TELO2: variants seen among roughly 807,000 people sequenced by gnomAD.
TELO2 encodes the protein telomere length regulation protein TEL2 homolog.
In TELO2, 71 loss-of-function variants were observed where a neutral mutation model predicts 91.0. That is an observed-to-expected ratio of 0.78 (90% CI 0.64 to 0.95). The LOEUF is 0.95. TELO2 is among the 40% of genes least tolerant of loss of function. TELO2 has a pLI of 0.00. For synonymous variants in TELO2, 584 were observed against 518.9 expected, an observed-to-expected ratio of 1.13 and a Z score of -1.71; for missense variants, 1,183 against 1,141.3, an observed-to-expected ratio of 1.04 and a Z score of -0.53.
chr16:1,505,654 G>GA lies in TELO2; in HGVS notation c.2034+55dup. 165 of 666,362 alleles carry GA rather than the reference G, an allele frequency of 2.5e-4. No homozygotes were observed. The highest frequency in any genetic ancestry group is 4.0e-4 in the Non-Finnish European group (153 of 378,788). 41.3% of individuals were successfully genotyped at this position (666,362 alleles called of 1,614,324 possible). On this transcript the variant is annotated intron_variant, in intron 16 of 20. Coordinates refer to ENST00000262319, the MANE Select transcript of TELO2 (RefSeq NM_016111.4). This position sits in a 1 kb window ranked among gnomAD's most constrained non-coding sequence, Gnocchi z 4.3. The stretch of plus-strand genomic sequence containing the variant: ...GGGCATGGGGACCGTGGGTGGGTGG[G>GA]AAGGGCGGTCAGACACCTCCAGGCG...
intron 20 of TELO2, 27 bp downstream of exon 20, chr16:1,507,743 T>TGA: frequency 6.3e-7 from 1 of 1,582,940 alleles, no homozygotes; most frequent in Non-Finnish European, 8.5e-7. Flanking sequence ...GGTGTGTGTG[T>TGA]GAGATGTGTG....
chr16:1,496,219 C>T (rs994521536), intron 3 of TELO2, among the ~76,000 whole-genome samples: 1 of 152,220 alleles, frequency 6.6e-6, no homozygotes, highest in African/African-American at 2.4e-5. Context: ...ACATGCTGCC[C>T]CGACCTCGTT....
intron 3 of TELO2, among the ~76,000 whole-genome samples, chr16:1,496,268 C>T (rs983215877): frequency 3.3e-5 from 5 of 152,232 alleles, no homozygotes; most frequent in African/African-American, 7.2e-5. Context: ...CCCTGGGGTC[C>T]TGGAGCAGCT....
In TELO2 at chr16:1,495,456, T is replaced by C. The variant is rs751201057; in HGVS notation, c.446T>C (p.Phe149Ser). The C allele has an allele frequency of 3.1e-6, 5 of 1,608,904 alleles. No individual in the cohort carries two copies. Among genetic ancestry groups the C allele is most frequent in the Middle Eastern group, 1.7e-4 (1 of 5,994 alleles). ...AQCRQQTQPG[F>S]ILLRETLLGK... ...TGTCGGCAGCAGACGCAGCCCGGCT[T>C]CATCCTGCTCCGGGAGACGCTGCTG... is the stretch of plus-strand genomic sequence containing the variant. The change falls in exon 3 of 21, where the codon TTC becomes TCC. Residue 149 changes from phenylalanine to serine, a missense_variant. Physicochemically the swap from Phe to Ser is radical, Grantham distance 155 (BLOSUM62 -2). Coordinates refer to ENST00000262319, the MANE Select transcript of TELO2 (RefSeq NM_016111.4).
Position 1,495,472 on chromosome 16 carries a change from G to C in TELO2, c.462G>C (p.Glu154Asp). 4 of 1,610,306 alleles carry C rather than the reference G, an allele frequency of 2.5e-6. No homozygotes were observed. The highest frequency in any genetic ancestry group is 3.4e-6 in the Non-Finnish European group (4 of 1,179,508). Residue 154 changes from glutamate to aspartate, a missense_variant, in exon 3 of 21, where the codon GAG becomes GAC. Coordinates refer to ENST00000262319, the MANE Select transcript of TELO2 (RefSeq NM_016111.4). ...QTQPGFILLRETLLGKVVALP... is the reference protein window; with the variant it reads ...QTQPGFILLRDTLLGKVVALP... ...AGCCCGGCTTCATCCTGCTCCGGGA[G>C]ACGCTGCTGGGCAAGGTGGTGGCCC...
Position 1,505,129 on chromosome 16 carries a change from C to A in TELO2, c.1843-281C>A. On this transcript the variant is annotated intron_variant, in intron 15 of 20. Transcript: ENST00000262319. This position sits in a 1 kb window ranked among gnomAD's most constrained non-coding sequence, Gnocchi z 4.3. ...CTTCCTGGGATAAGGGCATGTGGCT[C>A]TGGCGTGGCGGGACTGCGTGGCTTT... 1 of 405,026 alleles carries A rather than the reference C, an allele frequency of 2.5e-6. No homozygotes were observed. The highest frequency in any genetic ancestry group is 4.9e-5 in the South Asian group (1 of 20,534). The allele number at this position is 405,026 out of a possible 1,614,324, so 25.1% of individuals were successfully genotyped here. A position where few individuals can be genotyped will look rare whatever the true frequency, so the allele number is the denominator to read the frequency against.
At position 1,502,313 on chromosome 16, in the gene TELO2, C is replaced by T. The variant is rs1386711001; in HGVS notation, c.1562C>T (p.Ala521Val). 1.9e-6 allele frequency: 3 copies of T among 1,602,916 alleles called. No homozygotes were observed. Among genetic ancestry groups the T allele is most frequent in the Non-Finnish European group, 2.6e-6 (3 of 1,176,378 alleles). The change falls in exon 13 of 21, where the codon GCC becomes GTC. Residue 521 changes from alanine to valine, a missense_variant and splice_region_variant. Physicochemically the swap from Ala to Val is moderately conservative, Grantham distance 64. Transcript: ENST00000262319. Reference sequence around the variant, plus strand: ...CGAGGCCTCTCTGGGTTCTGTGCAGCCCTGACCACGTCTGAGGACATAGAG... The same window carrying T: ...CGAGGCCTCTCTGGGTTCTGTGCAGTCCTGACCACGTCTGAGGACATAGAG... ...APAYVRDCVE[A>V]LTTSEDIERW...
At chr16:1,506,375 CTGGACGTACCACTG>C in intron 17 of TELO2, 46 bp downstream of exon 17, 3 of 1,613,114 alleles carry the variant, frequency 1.9e-6, no homozygotes, top group Non-Finnish European at 2.5e-6. Flanking sequence ...GACAGGGACC[CTGGACGTACCACTG>C]TGGCCAAGAA....
At chr16:1,508,267 G>C (rs1191646204) in intron 20 of TELO2, among the ~76,000 whole-genome samples, 1 of 152,166 alleles carries the variant, frequency 6.6e-6, no homozygotes, top group Non-Finnish European at 1.5e-5. Flanking sequence ...TGAGTAGCTG[G>C]GATTACAGGT....
At position 1,505,648 on chromosome 16, in the gene TELO2, G is replaced by A. The variant is rs769862487; in HGVS notation, c.2034+47G>A. On this transcript the variant is annotated intron_variant, in intron 16 of 20. Coordinates refer to ENST00000262319, the MANE Select transcript of TELO2 (RefSeq NM_016111.4). This position sits in a 1 kb window ranked among gnomAD's most constrained non-coding sequence, Gnocchi z 4.3. Reference sequence around the variant, plus strand: ...CCTCACGGGCATGGGGACCGTGGGTGGGTGGGAAGGGCGGTCAGACACCTC... The same window carrying A: ...CCTCACGGGCATGGGGACCGTGGGTAGGTGGGAAGGGCGGTCAGACACCTC... The A allele has an allele frequency of 8.2e-6, 12 of 1,467,088 alleles. No individual in the cohort carries two copies. The highest frequency in any genetic ancestry group is 1.4e-5 in the African/African-American group (1 of 70,210). 90.9% of individuals were successfully genotyped at this position (1,467,088 alleles called of 1,614,324 possible).
At chr16:1,496,402 T>A (rs946179913) in intron 3 of TELO2, among the ~76,000 whole-genome samples, 2 of 152,204 alleles carry the variant, frequency 1.3e-5, no homozygotes, top group African/African-American at 4.8e-5. Flanking sequence ...CCCTCCTGTC[T>A]TTTCCGAACG....
At chr16:1,499,526 AG>A (rs1025759046) in intron 6 of TELO2, among the ~76,000 whole-genome samples, 193 bp downstream of exon 6, 15 of 131,134 alleles carry the variant, frequency 1.1e-4, no homozygotes, top group African/African-American at 4.4e-4. Context: ...GCTCTGAGTG[AG>A]GGCTTCTCAT....
intron 17 of TELO2, 162 bp from the exon 18 acceptor site, chr16:1,506,790 G>C: frequency 7.1e-7 from 1 of 1,416,924 alleles, no homozygotes; most frequent in Non-Finnish European, 9.2e-7. Context: ...AGGGGGAGTA[G>C]GCACCCGGAA....
chr16:1,501,970 G>C, intron 11 of TELO2, 77 bp from the exon 12 acceptor site: 36 of 1,589,830 alleles, frequency 2.3e-5, no homozygotes, highest in Non-Finnish European at 3.1e-5. Context: ...TTGGGGAGGA[G>C]AGAGGGGCTG....
intron 2 of TELO2, among the ~76,000 whole-genome samples, chr16:1,495,014 C>T (rs937550907): frequency 6.6e-6 from 1 of 152,224 alleles, no homozygotes; most frequent in African/African-American, 2.4e-5. Context: ...CACTGCAGTC[C>T]TTGCCGGGAC....
Position 1,494,239 on chromosome 16 carries a change from G to T in TELO2, c.-36-7G>T. On this transcript the variant is annotated splice_region_variant and splice_polypyrimidine_tract_variant and intron_variant, in intron 1 of 20. Coordinates refer to ENST00000262319, the MANE Select transcript of TELO2 (RefSeq NM_016111.4). The surrounding 1 kb of genome is among the most constrained non-coding windows in gnomAD (Gnocchi z 5.6). ...GCCCCAAGCTGAGCCCTGTGTCCAT[G>T]TCACAGGTCGTCTTCCCGTGACGCC... 1 of 1,576,420 alleles carries T rather than the reference G, an allele frequency of 6.3e-7. No individual in the cohort carries two copies.
chr16:1,501,483 G>T lies in TELO2; in HGVS notation c.1345G>T (p.Gly449Cys), dbSNP rs145279319. 2 of 1,610,428 alleles carry T rather than the reference G, an allele frequency of 1.2e-6. No homozygotes were observed. Among genetic ancestry groups the T allele is most frequent in the Non-Finnish European group, 1.7e-6 (2 of 1,178,590 alleles). ...ALASPQPAGD[G>C]ASEAGTSLVP... ...GGCCTCCCCCCAGCCTGCGGGTGAC[G>T]GCGCCTCGGAGGCGGGGTGAGGGTC... Residue 449 changes from glycine to cysteine, a missense_variant, in exon 10 of 21, where the codon GGC becomes TGC. By Grantham distance (159) the Gly-to-Cys change is radical. Transcript: ENST00000262319.
chr16:1,509,758 G>A lies in TELO2; in HGVS notation c.2408-72G>A, dbSNP rs1028170699. 1.2e-5 allele frequency: 17 copies of A among 1,428,578 alleles called. No individual in the cohort carries two copies. The Middle Eastern group carries it at 1.2e-3, about 103-fold the overall frequency. 88.5% of individuals were successfully genotyped at this position (1,428,578 alleles called of 1,614,324 possible). ...AGGCCTGGCGGGGCTGGTTCAGGCA[G>A]ACTGAAGACAGGAGGAGGGAGAATA... On this transcript the variant is annotated intron_variant, in intron 20 of 20. Coordinates refer to ENST00000262319, the MANE Select transcript of TELO2 (RefSeq NM_016111.4).
In TELO2 at chr16:1,497,779, T is replaced by G. The variant is rs920252839; in HGVS notation, c.830+271T>G. Among the ~76,000 whole-genome samples the G allele has an allele frequency of 6.6e-6, 1 of 152,222 alleles. No individual in the cohort carries two copies. On this transcript the variant is annotated intron_variant, in intron 5 of 20. Coordinates refer to ENST00000262319, the MANE Select transcript of TELO2 (RefSeq NM_016111.4). The surrounding 1 kb of genome is among the most constrained non-coding windows in gnomAD (Gnocchi z 4.0). ...TGTACCTTGGGCCGTCCACCCGTCC[T>G]GCGCCTGTGGTCCCCCTCGCACACG...
Sources: gnomAD v4.1 joint callset for allele counts (sites outside exome capture counted in the v4.1 genomes callset) on GRCh38, gnomAD v4.1.1 for gene constraint, Gnocchi (gnomAD v3.1) non-coding constraint, MANE v1.5 for transcripts, NCBI Gene and HGNC (gene_info 2026-07-23, HGNC 2026-07-21) for gene names.